FAT3: variants seen among roughly 807,000 people sequenced by gnomAD.
The protein encoded by FAT3 is FAT atypical cadherin 3.
Under a neutral mutation model 310.2 loss-of-function variants are expected in FAT3, and 95 were observed. The ratio of observed to expected loss-of-function variants is 0.31; its 90% CI spans 0.26 to 0.36. The LOEUF is 0.36. Ranked by LOEUF, FAT3 falls within the 10% of genes least tolerant of loss-of-function variation. The probability of loss-of-function intolerance (pLI) is 1.00; values close to 1 mark genes in which losing one functional copy is unlikely to be tolerated. For synonymous variants in FAT3, 2,314 were observed against 2,192.9 expected (o/e 1.06, Z -1.54); for missense variants, 5,408 against 5,715.6 (o/e 0.95, Z 1.74).
chr11:92,867,334 C>T (rs938136714), intron 22 of FAT3, 125 bp downstream of exon 22: 7 of 976,446 alleles, frequency 7.2e-6, no homozygotes, highest in African/African-American at 4.9e-5. Flanking sequence ...ACCCAAGATG[C>T]TCGCCAACCT....
intron 9 of FAT3, among the ~76,000 whole-genome samples, chr11:92,795,887 G>A (rs1947158109): frequency 6.6e-6 from 1 of 152,036 alleles, no homozygotes; most frequent in Non-Finnish European, 1.5e-5. Flanking sequence ...CAGCCTGGAT[G>A]ACAGAGCGAG....
At position 92,799,740 on chromosome 11, in the gene FAT3, G is replaced by C; in HGVS notation, c.6727G>C (p.Val2243Leu). Residue 2243 changes from valine (V) to leucine (L), a missense_variant, in exon 10 of 28, where the codon GTT (valine) becomes CTT (leucine). Physicochemically the swap from Val to Leu is conservative, Grantham distance 32. This residue lies in a region of FAT3 where 4,588 missense variants were observed against 4,809.8 expected (regional missense o/e 0.95). Coordinates refer to ENST00000525166, the MANE Select transcript of FAT3 (RefSeq NM_001367949.2). ...CTTTGACACTGGGGTCCTGAAAGTTGTTAGCCCTTTGGATTATGAAGTTAC... is the reference window on the plus strand; with the variant it reads ...CTTTGACACTGGGGTCCTGAAAGTTCTTAGCCCTTTGGATTATGAAGTTAC... ...IDFDTGVLKVVSPLDYEVTSA... is the reference protein window; with the variant it reads ...IDFDTGVLKVLSPLDYEVTSA... The C allele has an allele frequency of 2.5e-6, 4 of 1,612,830 alleles. No homozygotes were observed. Among genetic ancestry groups the C allele is most frequent in the Non-Finnish European group, 3.4e-6 (4 of 1,179,402 alleles).
chr11:92,351,105 A>T (rs1445855736), intron 1 of FAT3, among the ~76,000 whole-genome samples: 1 of 152,188 alleles, frequency 6.6e-6, no homozygotes, highest in Admixed American at 6.5e-5. Context: ...GATGAAAGTA[A>T]TTGGAAGTAT....
chr11:92,523,486 C>T (rs930364767), intron 2 of FAT3, among the ~76,000 whole-genome samples: 7 of 152,100 alleles, frequency 4.6e-5, no homozygotes, highest in Non-Finnish European at 8.8e-5. Flanking sequence ...TGGACAGATG[C>T]CCTCCTCTCT....
rs188452436 is a variant in FAT3, at chr11:92,834,964, C to A, written c.9966C>A (p.Ser3322Arg). The change falls in exon 15 of 28, where the codon AGC becomes AGA. Residue 3322 changes from serine (S) to arginine (R), a missense_variant. Coordinates refer to ENST00000525166, the MANE Select transcript of FAT3 (RefSeq NM_001367949.2). ...EAKDGGTPALSAVATVNINLT... is the reference protein window; with the variant it reads ...EAKDGGTPALRAVATVNINLT... Reference sequence around the variant, plus strand: ...AAGATGGGGGCACCCCAGCTCTCAGCGCTGTGGCCACTGTCAACATCAACC... The same window carrying A: ...AAGATGGGGGCACCCCAGCTCTCAGAGCTGTGGCCACTGTCAACATCAACC... 6.2e-7 allele frequency: 1 copy of A among 1,613,294 alleles called. No homozygotes were observed. The highest frequency in any genetic ancestry group is 8.5e-7 in the Non-Finnish European group (1 of 1,179,628).
chr11:92,297,678 T>A (rs1290894330), intron 1 of FAT3, among the ~76,000 whole-genome samples: 1 of 152,094 alleles, frequency 6.6e-6, no homozygotes, highest in Admixed American at 6.6e-5. Context: ...TGCAAACATA[T>A]TGTTTCTGTG....
chr11:92,282,744 A>C (rs1946462880), intron 1 of FAT3, among the ~76,000 whole-genome samples: 1 of 152,114 alleles, frequency 6.6e-6, no homozygotes, highest in African/African-American at 2.4e-5. Flanking sequence ...AAGGATCCTA[A>C]GTGTACGAAA....
At chr11:92,749,248 A>G (rs1945758840) in intron 4 of FAT3, among the ~76,000 whole-genome samples, 1 of 152,152 alleles carries the variant, frequency 6.6e-6, no homozygotes, top group Admixed American at 6.6e-5. Context: ...AAACACCTAA[A>G]TTAAAACTTC....
intron 21 of FAT3, among the ~76,000 whole-genome samples, chr11:92,860,985 G>A (rs1949105713): frequency 6.6e-6 from 1 of 152,198 alleles, no homozygotes; most frequent in South Asian, 2.1e-4. Context: ...AATAAGAAAA[G>A]TACTTTGATT....
At chr11:92,436,522 A>T (rs1369835339) in intron 2 of FAT3, among the ~76,000 whole-genome samples, 2 of 152,094 alleles carry the variant, frequency 1.3e-5, no homozygotes, top group Non-Finnish European at 2.9e-5. Flanking sequence ...TACCCTGTAG[A>T]CTTCAGACAC....
chr11:92,552,292 T>A (rs1954847630), intron 3 of FAT3, among the ~76,000 whole-genome samples: 1 of 152,146 alleles, frequency 6.6e-6, no homozygotes. Flanking sequence ...AAATAAAGAT[T>A]TGATGTGTTT....
chr11:92,557,927 A>AG (rs1955080242), intron 3 of FAT3, among the ~76,000 whole-genome samples: 1 of 152,204 alleles, frequency 6.6e-6, no homozygotes, highest in African/African-American at 2.4e-5. Flanking sequence ...CTTTGACAAA[A>AG]TGTGAGCCTG....
intron 4 of FAT3, among the ~76,000 whole-genome samples, chr11:92,712,880 G>A (rs1026676995): frequency 1.3e-5 from 2 of 152,188 alleles, no homozygotes; most frequent in African/African-American, 2.4e-5. Context: ...TTCCACAGTA[G>A]GGTTACTTGC....
intron 2 of FAT3, among the ~76,000 whole-genome samples, chr11:92,520,510 A>G (rs1370252994): frequency 1.3e-5 from 2 of 152,092 alleles, no homozygotes; most frequent in Non-Finnish European, 2.9e-5. Flanking sequence ...AAAAAGTAAT[A>G]AAGAATGCAT....
intron 1 of FAT3, among the ~76,000 whole-genome samples, chr11:92,320,142 G>C (rs1337799205): frequency 6.6e-6 from 1 of 152,136 alleles, no homozygotes; most frequent in African/African-American, 2.4e-5. Flanking sequence ...CATTTATTAG[G>C]TTGGTGCAAA....
intron 2 of FAT3, among the ~76,000 whole-genome samples, chr11:92,475,647 A>C (rs1952031129): frequency 6.6e-6 from 1 of 152,200 alleles, no homozygotes; most frequent in Non-Finnish European, 1.5e-5. Context: ...AGACTGGAAA[A>C]AAAAGAAATG....
rs1591252633 is a variant in FAT3 at position 92,412,736 on chromosome 11, T to TATATATACAC, written c.3292+57339_3292+57340insCACATATATA. The stretch of plus-strand genomic sequence containing the variant: ...ATATATATATATATATATATATATA[T>TATATATACAC]ATATATATAAATATACATACATATA... On this transcript the variant is annotated intron_variant, in intron 2 of 27. Transcript: ENST00000525166. Among the ~76,000 whole-genome samples, 25 of 14,958 alleles carry TATATATACAC rather than the reference T, an allele frequency of 1.7e-3. 2 individuals carry two copies. Among genetic ancestry groups the TATATATACAC allele is most frequent in the East Asian group, 0.014 (3 of 212 alleles). The allele number at this position is 14,958 out of a possible 152,430, so 9.8% of individuals were successfully genotyped here.
rs1332234731 is a variant in FAT3, at chr11:92,882,903, C to T, written c.12447C>T (p.Tyr4149=). The T allele has an allele frequency of 3.1e-6, 5 of 1,612,642 alleles. No homozygotes were observed. In the South Asian group the frequency reaches 5.5e-5, roughly 18 times the overall value. The change falls in exon 24 of 28, where the codon TAC becomes TAT. Residue 4149 remains tyrosine (Y), a synonymous_variant. Transcript: ENST00000525166. The part of the protein sequence containing the change: ...VVPNIQAGHS[Y]VGKEELIGIA... ...CCAATATCCAGGCTGGCCACTCCTA[C>T]GTGGGGAAGGAGGAGCTCATCGGCA...
Position 92,319,667 on chromosome 11 carries a change from C to T in FAT3, c.-17-32429C>T, listed in dbSNP as rs549710795. Among the ~76,000 whole-genome samples, 30 of 152,182 alleles carry T rather than the reference C, an allele frequency of 2.0e-4. No individual in the cohort carries two copies. The South Asian group carries it at 3.1e-3, about 16-fold the overall frequency. Reference sequence around the variant, plus strand: ...ATAATATTGAGGATTTGAAATATTACGAGAATCTGCTTCTAAAAGTAATTT... The same window carrying T: ...ATAATATTGAGGATTTGAAATATTATGAGAATCTGCTTCTAAAAGTAATTT... On this transcript the variant is annotated intron_variant, in intron 1 of 27. Transcript: ENST00000525166.
Sources: allele counts gnomAD v4.1 joint callset (sites outside exome capture counted in the v4.1 genomes callset), GRCh38; gene constraint gnomAD v4.1.1; regional missense constraint gnomAD v4.1.1; transcripts MANE v1.5; gene names NCBI Gene and HGNC (gene_info 2026-07-23, HGNC 2026-07-21).